MTUS2: variants seen among roughly 807,000 people sequenced by gnomAD.
The protein encoded by MTUS2 is microtubule-associated tumor suppressor candidate 2.
In MTUS2, 40 loss-of-function variants were observed where a neutral mutation model predicts 114.1. The observed-to-expected ratio is 0.35, with a 90% CI of 0.27 to 0.46. The LOEUF (loss-of-function observed/expected upper bound fraction) is 0.46. MTUS2 is among the 20% of genes least tolerant of loss of function. The probability of loss-of-function intolerance (pLI) is 1.00; values close to 1 mark genes in which losing one functional copy is unlikely to be tolerated. For synonymous variants in MTUS2, 688 were observed against 672.0 expected, an observed-to-expected ratio of 1.02 and a Z score of -0.37; for missense variants, 1,679 against 1,705.4, an observed-to-expected ratio of 0.98 and a Z score of 0.27.
chr13:28,914,020 A>G (rs1169235152), intron 2 of MTUS2, among the ~76,000 whole-genome samples: 4 of 151,828 alleles, frequency 2.6e-5, no homozygotes, highest in Non-Finnish European at 5.9e-5. Context: ...TAGTCTAGCT[A>G]GCAGTCTATT....
intron 2 of MTUS2, among the ~76,000 whole-genome samples, chr13:28,866,960 A>T (rs1380423157): frequency 6.6e-6 from 1 of 152,228 alleles, no homozygotes; most frequent in African/African-American, 2.4e-5. Flanking sequence ...TGAATAAATC[A>T]CAATGCAACA....
chr13:29,447,863 A>T (rs1327463144), intron 9 of MTUS2, among the ~76,000 whole-genome samples: 1 of 152,202 alleles, frequency 6.6e-6, no homozygotes, highest in Non-Finnish European at 1.5e-5. Flanking sequence ...AATCACATTT[A>T]AAAATGTTCC....
At chr13:29,492,512 C>T (rs1051141856) in intron 11 of MTUS2, 134 bp from the exon 12 acceptor site, 10 of 626,872 alleles carry the variant, frequency 1.6e-5, no homozygotes, top group Non-Finnish European at 2.5e-5. Flanking sequence ...GTGGAGGAGT[C>T]CCCTTAGGCT....
intron 5 of MTUS2, among the ~76,000 whole-genome samples, chr13:29,265,609 G>C (rs1032717659): frequency 6.6e-6 from 1 of 152,164 alleles, no homozygotes; most frequent in Non-Finnish European, 1.5e-5. Flanking sequence ...GGTTCTGCAG[G>C]CTTTACAGGA....
chr13:28,930,274 T>TA (rs1274571081), intron 2 of MTUS2, among the ~76,000 whole-genome samples: 1 of 152,232 alleles, frequency 6.6e-6, no homozygotes, highest in Non-Finnish European at 1.5e-5. Context: ...TGTTCAGGCA[T>TA]AATTGGTCAT....
In MTUS2 at chr13:29,026,822, C is replaced by T. The variant is rs371479373; in HGVS notation, c.2124C>T (p.Val708=). ...AGCCAGACCTGCAGAAGCCAAGGGTCTTCAGTTCCGGATTGATGGTGTCTG... is the reference window on the plus strand; with the variant it reads ...AGCCAGACCTGCAGAAGCCAAGGGTTTTCAGTTCCGGATTGATGGTGTCTG... ...KFKPDLQKPR[V]FSSGLMVSGI... The change falls in exon 3 of 16, where the codon GTC becomes GTT. Residue 708 remains valine (V), a synonymous_variant. Coordinates refer to ENST00000612955, the MANE Select transcript of MTUS2 (RefSeq NM_001033602.4). 3 of 1,611,290 alleles carry T rather than the reference C, an allele frequency of 1.9e-6. No homozygotes were observed. Among genetic ancestry groups the T allele is most frequent in the Non-Finnish European group, 2.5e-6 (3 of 1,179,870 alleles).
At chr13:29,428,724 A>C (rs952631146) in intron 8 of MTUS2, 14 of 1,551,578 alleles carry the variant, frequency 9.0e-6, no homozygotes, top group African/African-American at 1.4e-5. Context: ...AGGGAACCAC[A>C]TGGAAGTTGT....
chr13:28,898,095 G>A (rs1879398599), intron 2 of MTUS2, among the ~76,000 whole-genome samples: 1 of 152,032 alleles, frequency 6.6e-6, no homozygotes, highest in Non-Finnish European at 1.5e-5. Flanking sequence ...TGGGGAGTGG[G>A]CAGTATAAGA....
chr13:29,452,039 C>T (rs1335146205), intron 9 of MTUS2, among the ~76,000 whole-genome samples: 1 of 152,136 alleles, frequency 6.6e-6, no homozygotes. Context: ...AATTTCAAAC[C>T]AGTGATGTCA....
intron 5 of MTUS2, among the ~76,000 whole-genome samples, chr13:29,234,597 G>C (rs571409910): frequency 2.0e-5 from 3 of 152,212 alleles, no homozygotes; most frequent in African/African-American, 7.2e-5. Flanking sequence ...CTAACCAATT[G>C]TACAAACACT....
intron 8 of MTUS2, among the ~76,000 whole-genome samples, chr13:29,423,584 G>A (rs1351607933): frequency 6.6e-6 from 1 of 152,180 alleles, no homozygotes; most frequent in African/African-American, 2.4e-5. Context: ...AAAACATATT[G>A]TGTATGTCAA....
At chr13:28,862,652 G>T (rs1384179725) in intron 2 of MTUS2, among the ~76,000 whole-genome samples, 1 of 152,140 alleles carries the variant, frequency 6.6e-6, no homozygotes, top group Non-Finnish European at 1.5e-5. Flanking sequence ...CACACAAGTT[G>T]TTGATTGTAG....
intron 5 of MTUS2, among the ~76,000 whole-genome samples, chr13:29,104,570 C>G (rs1890574782): frequency 1.3e-5 from 2 of 152,126 alleles, no homozygotes; most frequent in Non-Finnish European, 1.5e-5. Flanking sequence ...GAAGTGCTCT[C>G]TATGAGTTCA....
intron 8 of MTUS2, among the ~76,000 whole-genome samples, chr13:29,408,436 C>T (rs1031483694): frequency 6.6e-6 from 1 of 152,192 alleles, no homozygotes; most frequent in African/African-American, 2.4e-5. Flanking sequence ...CCACCCCAGC[C>T]TCCTGAGTAG....
At chr13:29,498,564 G>C in intron 14 of MTUS2, 27 bp downstream of exon 14, 1 of 1,613,378 alleles carries the variant, frequency 6.2e-7, no homozygotes, top group Non-Finnish European at 8.5e-7. Flanking sequence ...GCTCGGGAGA[G>C]TAACCTCCAT....
rs75054814 is a variant in MTUS2, at chr13:28,841,710, G to A, written c.-243+1860G>A. 2.6e-3 allele frequency among the ~76,000 whole-genome samples: 388 copies of A among 150,278 alleles called. 20 individuals are homozygous for A. In the East Asian group the frequency reaches 0.074, roughly 29 times the overall value. ...TGTTTTTTTGTTTTTTTTTTGATAC[G>A]GAGTCTCACTCTGTCGCCCAGGTTG... On this transcript the variant is annotated intron_variant, in intron 2 of 15. Coordinates refer to ENST00000612955, the MANE Select transcript of MTUS2 (RefSeq NM_001033602.4).
intron 9 of MTUS2, among the ~76,000 whole-genome samples, chr13:29,461,565 T>G (rs1879497190): frequency 6.6e-6 from 1 of 152,208 alleles, no homozygotes; most frequent in Non-Finnish European, 1.5e-5. Flanking sequence ...AGGAATCTTC[T>G]TCCGTTCCAC....
rs75555322 is a variant in MTUS2, at chr13:28,841,503, C to T, written c.-243+1653C>T. ...GCAGCTGCCACTGTGGCGCTGAAGA[C>T]ACATGAGAAGGAAGAGATGACATGT... On this transcript the variant is annotated intron_variant, in intron 2 of 15. Coordinates refer to ENST00000612955, the MANE Select transcript of MTUS2 (RefSeq NM_001033602.4). 4.3e-3 allele frequency among the ~76,000 whole-genome samples: 648 copies of T among 152,156 alleles called. 7 individuals carry two copies. Among genetic ancestry groups the T allele is most frequent in the African/African-American group, 0.015 (627 of 41,510 alleles).
chr13:29,183,949 A>G (rs1300819622), intron 5 of MTUS2, among the ~76,000 whole-genome samples: 4 of 152,194 alleles, frequency 2.6e-5, no homozygotes, highest in Non-Finnish European at 5.9e-5. Context: ...AAAAATATTT[A>G]AACATAAAAA....
Sources: allele counts gnomAD v4.1 joint callset (sites outside exome capture counted in the v4.1 genomes callset), GRCh38; gene constraint gnomAD v4.1.1; transcripts MANE v1.5; gene names NCBI Gene and HGNC (gene_info 2026-07-23, HGNC 2026-07-21).